The following FAM81A variants were observed in gnomAD, a reference collection of about 807,000 sequenced individuals.
FAM81A encodes family with sequence similarity 81 member A, also known as protein FAM81A.
A neutral mutation model predicts 46.7 loss-of-function variants in FAM81A; 19 were observed. The ratio of observed to expected loss-of-function variants is 0.41; its 90% confidence interval spans 0.28 to 0.60. The LOEUF (loss-of-function observed/expected upper bound fraction) is 0.60. FAM81A is among the 20% of genes least tolerant of loss of function. The pLI is 0.34. For missense variants in FAM81A, 377 were observed against 453.5 expected (o/e 0.83, Z 1.53); for synonymous variants, 183 against 152.9 (o/e 1.20, Z -1.45).
At chr15:59,435,150 G>T (rs1482829981), upstream of FAM81A, among the ~76,000 whole-genome samples, 2 of 152,198 alleles carry the variant, frequency 1.3e-5, no homozygotes, top group African/African-American at 4.8e-5. Flanking sequence ...AGCTGGGCGT[G>T]GTGGTGCATG....
upstream of FAM81A, among the ~76,000 whole-genome samples, chr15:59,436,737 G>C (rs1264710577): frequency 6.6e-6 from 1 of 152,008 alleles, no homozygotes; most frequent in Non-Finnish European, 1.5e-5. Flanking sequence ...CATGCACCAG[G>C]CAGTGGGAAT....
intron 4 of FAM81A, among the ~76,000 whole-genome samples, chr15:59,501,079 T>C (rs1312551125): frequency 6.6e-6 from 1 of 152,168 alleles, no homozygotes; most frequent in East Asian, 1.9e-4. Flanking sequence ...TTTTAGATAA[T>C]ATATTGTAGC....
intron 2 of FAM81A, among the ~76,000 whole-genome samples, chr15:59,427,239 C>A (rs2081198785): frequency 6.6e-6 from 1 of 152,016 alleles, no homozygotes; most frequent in Admixed American, 6.6e-5. Context: ...GCCTCCTGAG[C>A]AGCTGGGATC....
chr15:59,427,947 A>C (rs562008874), intron 2 of FAM81A, among the ~76,000 whole-genome samples: 4 of 152,204 alleles, frequency 2.6e-5, no homozygotes, highest in Non-Finnish European at 5.9e-5. Context: ...GGGTCATATG[A>C]TAGCTCTATT....
At chr15:59,484,696 C>T (rs78098554) in intron 3 of FAM81A, among the ~76,000 whole-genome samples, 11,451 of 152,194 alleles carry the variant, frequency 0.075, 480 homozygotes, top group African/African-American at 0.11. Context: ...CTTTCACAGC[C>T]GTGGTGGCTG....
At position 59,417,803 on chromosome 15, in the gene FAM81A, G is replaced by T. The variant is rs141241021; in HGVS notation, c.-78+15445G>T. ...TTTTTTATTATACTTTAAAGTTCTA[G>T]GGTACATGTGCACAACATGCAGGTT... On this transcript the variant is annotated intron_variant, in intron 2 of 4. Coordinates refer to the FAM81A transcript ENST00000558348. Among the ~76,000 whole-genome samples, 5 of 151,910 alleles carry T rather than the reference G, an allele frequency of 3.3e-5. No homozygotes were observed. In the East Asian group the frequency reaches 9.7e-4, roughly 29 times the overall value.
At chr15:59,413,169 G>A (rs1357642579) in intron 2 of FAM81A, among the ~76,000 whole-genome samples, 7 of 152,110 alleles carry the variant, frequency 4.6e-5, no homozygotes, top group African/African-American at 1.4e-4. Flanking sequence ...CCTTTCTTGT[G>A]GTCTCTGTGG....
chr15:59,436,054 G>A (rs2081241488), upstream of FAM81A, among the ~76,000 whole-genome samples: 1 of 152,136 alleles, frequency 6.6e-6, no homozygotes, highest in Admixed American at 6.5e-5. Flanking sequence ...TGAAAGCCCG[G>A]TTCTTACTGA....
intron 2 of FAM81A, among the ~76,000 whole-genome samples, chr15:59,406,566 GT>G (rs1217133578): frequency 6.6e-6 from 1 of 152,196 alleles, no homozygotes; most frequent in Non-Finnish European, 1.5e-5. Context: ...ATTTTAGTAA[GT>G]TTGCAGAGTT....
chr15:59,403,762 ATTTCT>A (rs67456741), intron 2 of FAM81A, among the ~76,000 whole-genome samples: 63,844 of 151,656 alleles, frequency 0.42, 14,677 homozygotes, highest in Admixed American at 0.51. Context: ...GAGGTAATTG[ATTTCT>A]TTTCAGTTAA....
At chr15:59,479,877 CAT>C (rs1350060366) in intron 3 of FAM81A, among the ~76,000 whole-genome samples, 1 of 152,190 alleles carries the variant, frequency 6.6e-6, no homozygotes, top group Non-Finnish European at 1.5e-5. Context: ...GCTGGGGCTA[CAT>C]TAGTGAATAA....
intron 2 of FAM81A, among the ~76,000 whole-genome samples, chr15:59,425,891 T>A (rs1330628960): frequency 6.6e-6 from 1 of 152,172 alleles, no homozygotes; most frequent in East Asian, 1.9e-4. Context: ...TCCTATTGGG[T>A]TTACAGGCAT....
chr15:59,467,216 T>C (rs548591502), intron 3 of FAM81A, among the ~76,000 whole-genome samples: 24 of 152,360 alleles, frequency 1.6e-4, no homozygotes, highest in Admixed American at 1.5e-3. Context: ...ATATGAACTT[T>C]AAAGCAGTTT....
chr15:59,498,796 A>G (rs1007721753), intron 4 of FAM81A, among the ~76,000 whole-genome samples: 1 of 152,184 alleles, frequency 6.6e-6, no homozygotes, highest in Non-Finnish European at 1.5e-5. Context: ...CCGGGATTAC[A>G]GGTGCCTGCC....
At chr15:59,503,581 T>TC (rs1389311196) in intron 4 of FAM81A, among the ~76,000 whole-genome samples, 1 of 131,814 alleles carries the variant, frequency 7.6e-6, no homozygotes, top group Non-Finnish European at 1.7e-5. Context: ...TTAGCCACTA[T>TC]TTTTTTTTTT....
At chr15:59,457,796 G>T (rs1323658221) in intron 1 of FAM81A, among the ~76,000 whole-genome samples, 4 of 152,164 alleles carry the variant, frequency 2.6e-5, no homozygotes, top group Non-Finnish European at 5.9e-5. Context: ...ATCTAAATGA[G>T]AATTAATTAT....
Position 59,446,900 on chromosome 15 carries a change from T to C in FAM81A, c.-78+8618T>C, listed in dbSNP as rs150806978. Among the ~76,000 whole-genome samples the C allele has an allele frequency of 4.2e-4, 64 of 152,356 alleles. No homozygotes were observed. The East Asian group carries it at 0.011, about 26-fold the overall frequency. ...CTTCTTTTAACTAAACCATAGTCTTTAAAGCCCAGAATCAGGCTTGTTTCT... is the reference window on the plus strand; with the variant it reads ...CTTCTTTTAACTAAACCATAGTCTTCAAAGCCCAGAATCAGGCTTGTTTCT... On this transcript the variant is annotated intron_variant, in intron 1 of 8. Coordinates refer to ENST00000288228, the MANE Select transcript of FAM81A (RefSeq NM_152450.3).
intron 3 of FAM81A, among the ~76,000 whole-genome samples, chr15:59,488,230 A>G (rs1356681837): frequency 1.3e-5 from 2 of 152,188 alleles, no homozygotes; most frequent in East Asian, 1.9e-4. Context: ...TCCCTTCATG[A>G]GAAAAACCCT....
At chr15:59,437,505 G>A (rs1381313335), upstream of FAM81A, among the ~76,000 whole-genome samples, 1 of 152,114 alleles carries the variant, frequency 6.6e-6, no homozygotes, top group Non-Finnish European at 1.5e-5. Flanking sequence ...GACGGGAGAA[G>A]AAAGGGCTGG....
Sources: allele counts gnomAD v4.1 joint callset (sites outside exome capture counted in the v4.1 genomes callset), GRCh38; gene constraint gnomAD v4.1.1; transcripts MANE v1.5; gene names NCBI Gene and HGNC (gene_info 2026-07-23, HGNC 2026-07-21).